Variants in OR8J1 observed in about 807,000 individuals in gnomAD.
The protein encoded by OR8J1 is olfactory receptor family 8 subfamily J member 1, also known as olfactory receptor 8J1.
For missense variants in OR8J1, 400 were observed against 373.0 expected, an observed-to-expected ratio of 1.07 and a Z score of -0.60; for synonymous variants, 157 against 144.3, an observed-to-expected ratio of 1.09 and a Z score of -0.63.
In OR8J1 at chr11:56,360,337, T is replaced by C. The variant is rs142306564; in HGVS notation, c.91T>C (p.Phe31Leu). 1.1e-5 allele frequency: 17 copies of C among 1,613,984 alleles called. No homozygotes were observed. In the African/African-American group the frequency reaches 1.3e-4, roughly 13 times the overall value. The part of the protein sequence containing the change: ...PELQIPLFLV[F>L]LVLYGLTMAG... ...GCTCCAGATTCCCCTCTTCCTGGTC[T>C]TTCTGGTGCTCTATGGGCTGACCAT... Residue 31 changes from phenylalanine to leucine, a missense_variant, in exon 2 of 2, where the codon TTT becomes CTT. Coordinates refer to ENST00000533152, the MANE Select transcript of OR8J1 (RefSeq NM_001005205.3).
At chr11:56,357,356 A>AC in intron 1 of OR8J1, 1 of 692,956 alleles carries the variant, frequency 1.4e-6, no homozygotes, top group Non-Finnish European at 2.6e-6. Flanking sequence ...AGTAAGGCCT[A>AC]CTTTAAGAGA....
At chr11:56,357,935 T>G in intron 1 of OR8J1, 2 of 839,632 alleles carry the variant, frequency 2.4e-6, no homozygotes. Flanking sequence ...GCCAGAATGT[T>G]GCAGCTTAGT....
chr11:56,359,115 A>C (rs1262391410), intron 1 of OR8J1, among the ~76,000 whole-genome samples: 2 of 152,102 alleles, frequency 1.3e-5, no homozygotes, highest in Non-Finnish European at 2.9e-5. Context: ...ACATTTTTAA[A>C]TAAGTGACTA....
chr11:56,354,943 A>T (rs192297655), intron 1 of OR8J1, among the ~76,000 whole-genome samples: 4 of 152,318 alleles, frequency 2.6e-5, no homozygotes, highest in African/African-American at 9.6e-5. Flanking sequence ...TCCATTAGAC[A>T]TCAAAACAAA....
In OR8J1 at chr11:56,360,963, T is replaced by C; in HGVS notation, c.717T>C (p.Ser239=). The change falls in exon 2 of 2, where the codon TCT becomes TCC. Residue 239 remains serine, a synonymous_variant. Transcript: ENST00000533152. ...CAGAAGGAAGGAAAAAAGCCTTTTC[T>C]ACCTGTGCTTCACATATGATGGCAG... The part of the protein sequence containing the change: ...CSSEGRKKAF[S]TCASHMMAVT... 1 of 1,480,946 alleles carries C rather than the reference T, an allele frequency of 6.8e-7. No homozygotes were observed. Among genetic ancestry groups the C allele is most frequent in the Non-Finnish European group, 8.9e-7 (1 of 1,120,034 alleles). 91.7% of individuals were successfully genotyped at this position (1,480,946 alleles called of 1,614,324 possible).
intron 1 of OR8J1, chr11:56,357,777 A>G (rs1854990040): frequency 1.4e-6 from 2 of 1,412,628 alleles, no homozygotes. Flanking sequence ...AGGCCTTGCC[A>G]GAACTACCAC....
Position 56,360,456 on chromosome 11 carries a change from T to G in OR8J1, c.210T>G (p.Asn70Lys), listed in dbSNP as rs142273526. Residue 70 changes from asparagine to lysine, a missense_variant, in exon 2 of 2, where the codon AAT becomes AAG. Transcript: ENST00000533152. ...YFFLQHLALI[N>K]LGNSTVIAPK... The stretch of plus-strand genomic sequence containing the variant: ...TCCTGCAACATCTGGCTCTCATTAA[T>G]CTTGGTAACTCTACTGTCATTGCCC... 2 of 1,614,022 alleles carry G rather than the reference T, an allele frequency of 1.2e-6. No individual in the cohort carries two copies. The highest frequency in any genetic ancestry group is 2.7e-5 in the African/African-American group (2 of 74,920).
In OR8J1 at chr11:56,361,033, C is replaced by G; in HGVS notation, c.787C>G (p.Arg263Gly). The G allele has an allele frequency of 6.7e-7, 1 of 1,493,302 alleles. No individual in the cohort carries two copies. Among genetic ancestry groups the G allele is most frequent in the Non-Finnish European group, 8.9e-7 (1 of 1,129,538 alleles). 92.5% of individuals were successfully genotyped at this position (1,493,302 alleles called of 1,614,324 possible). Reference protein sequence around the residue: ...GTLLFMYVQPRSNHSLDTDDK... With the variant: ...GTLLFMYVQPGSNHSLDTDDK... ...ATTGCTATTCATGTATGTGCAGCCC[C>G]GAAGTAACCATTCACTGGATACTGA... The change falls in exon 2 of 2, where the codon CGA (arginine) becomes GGA (glycine). Residue 263 changes from arginine (R) to glycine (G), a missense_variant. Arg to Gly is a moderately radical substitution (Grantham distance 125). Transcript: ENST00000533152.
Position 56,360,806 on chromosome 11 carries a change from T to C in OR8J1, c.560T>C (p.Leu187Ser), listed in dbSNP as rs369891199. The C allele has an allele frequency of 3.2e-6, 5 of 1,557,630 alleles. No homozygotes were observed. In the South Asian group the frequency reaches 5.0e-5, roughly 16 times the overall value. The part of the protein sequence containing the change: ...FYCDNVPLLA[L>S]SCSDTYLPET... Reference sequence around the variant, plus strand: ...TGTGATAATGTTCCTCTGTTAGCATTATCTTGCTCTGATACTTACTTACCA... The same window carrying C: ...TGTGATAATGTTCCTCTGTTAGCATCATCTTGCTCTGATACTTACTTACCA... Residue 187 changes from leucine to serine, a missense_variant, in exon 2 of 2, where the codon TTA becomes TCA. By Grantham distance (145) the Leu-to-Ser change is moderately radical (BLOSUM62 -2). Coordinates refer to ENST00000533152, the MANE Select transcript of OR8J1 (RefSeq NM_001005205.3).
chr11:56,358,916 G>C (rs889334363), intron 1 of OR8J1, among the ~76,000 whole-genome samples: 6 of 152,136 alleles, frequency 3.9e-5, no homozygotes, highest in Non-Finnish European at 8.8e-5. Flanking sequence ...ATCAAACTGA[G>C]ATCGGATATT....
At chr11:56,359,341 A>G (rs1188026574) in intron 1 of OR8J1, among the ~76,000 whole-genome samples, 4 of 152,064 alleles carry the variant, frequency 2.6e-5, no homozygotes, top group Non-Finnish European at 4.4e-5. Flanking sequence ...TACTCATTAC[A>G]GTGATAAAAA....
chr11:56,357,818 A>G, intron 1 of OR8J1: 1 of 1,079,782 alleles, frequency 9.3e-7, no homozygotes, highest in Admixed American at 1.7e-5. Flanking sequence ...CCCTGAAGGA[A>G]GCTGCGGTTG....
At chr11:56,356,227 G>T (rs1449228220) in intron 1 of OR8J1, among the ~76,000 whole-genome samples, 2 of 152,228 alleles carry the variant, frequency 1.3e-5, no homozygotes, top group East Asian at 3.8e-4. Flanking sequence ...CTCTAAGGAA[G>T]TAGAAGAGGG....
chr11:56,359,747 A>T (rs1477115654), intron 1 of OR8J1, among the ~76,000 whole-genome samples: 1 of 152,194 alleles, frequency 6.6e-6, no homozygotes, highest in African/African-American at 2.4e-5. Context: ...AATGTGCATA[A>T]TACACATTAT....
rs1422942759 is a variant in OR8J1, at chr11:56,361,386, A to C, written c.*189A>C. The C allele has an allele frequency of 5.1e-6, 2 of 394,594 alleles. No individual in the cohort carries two copies. Among genetic ancestry groups the C allele is most frequent in the African/African-American group, 4.2e-5 (2 of 48,032 alleles). 24.4% of individuals were successfully genotyped at this position (394,594 alleles called of 1,614,324 possible). A position where few individuals can be genotyped will look rare whatever the true frequency, so the allele number is the denominator to read the frequency against. On this transcript the variant is annotated 3_prime_UTR_variant, in exon 2 of 2. Coordinates refer to ENST00000533152, the MANE Select transcript of OR8J1 (RefSeq NM_001005205.3). ...CTGAAACCCTTTGAGTTGTGAGGTT[A>C]AGTTAGAAAAAAAAAATGTTATTTA... is the stretch of plus-strand genomic sequence containing the variant.
In OR8J1 at chr11:56,357,323, C is replaced by A. The variant is rs185705155; in HGVS notation, c.-20-2904C>A. On this transcript the variant is annotated intron_variant, in intron 1 of 1. Coordinates refer to ENST00000533152, the MANE Select transcript of OR8J1 (RefSeq NM_001005205.3). ...GGATGCGGGCCTCTCTTCAGCAGGA[C>A]GGAGTTTGTTAAAGTTGTTAAGAGT... 9 of 589,348 alleles carry A rather than the reference C, an allele frequency of 1.5e-5. No homozygotes were observed. The South Asian group carries it at 1.7e-4, about 11-fold the overall frequency. The allele number at this position is 589,348 out of a possible 1,614,324, so 36.5% of individuals were successfully genotyped here.
rs1394780739 is a variant in OR8J1, at chr11:56,360,652, G to A, written c.406G>A (p.Val136Met). 2.5e-6 allele frequency: 4 copies of A among 1,611,414 alleles called. No homozygotes were observed. The highest frequency in any genetic ancestry group is 3.4e-6 in the Non-Finnish European group (4 of 1,178,986). The part of the protein sequence containing the change: ...ICNPLLYMVV[V>M]SRRLCLLLVS... ...TAACCCTCTGCTGTACATGGTGGTG[G>A]TGTCTCGGCGGCTCTGCCTCCTGCT... The change falls in exon 2 of 2, where the codon GTG (valine) becomes ATG (methionine). Residue 136 changes from valine to methionine, a missense_variant. Transcript: ENST00000533152.
chr11:56,361,114 A>G lies in OR8J1; in HGVS notation c.868A>G (p.Ile290Val), dbSNP rs763186669. The stretch of plus-strand genomic sequence containing the variant: ...GGTAATTCCTATGCTGAATCCCTTG[A>G]TCTACAGCCTGAGGAATAAGGATGT... ...TLVIPMLNPL[I>V]YSLRNKDVKT... Residue 290 changes from isoleucine (I) to valine (V), a missense_variant, in exon 2 of 2, where the codon ATC becomes GTC. By Grantham distance (29) the Ile-to-Val change is conservative (BLOSUM62 3). Transcript: ENST00000533152. 4.0e-6 allele frequency: 6 copies of G among 1,498,294 alleles called. No individual in the cohort carries two copies. The highest frequency in any genetic ancestry group is 1.8e-4 in the Middle Eastern group (1 of 5,616). The allele number at this position is 1,498,294 out of a possible 1,614,324, so 92.8% of individuals were successfully genotyped here. A position where few individuals can be genotyped will look rare whatever the true frequency, so the allele number is the denominator to read the frequency against.
At chr11:56,356,078 A>G (rs1025940408) in intron 1 of OR8J1, among the ~76,000 whole-genome samples, 2 of 152,210 alleles carry the variant, frequency 1.3e-5, no homozygotes, top group Non-Finnish European at 2.9e-5. Context: ...CAATTATTCT[A>G]ATGAATACCT....
Sources: gnomAD v4.1 joint callset for allele counts (sites outside exome capture counted in the v4.1 genomes callset) on GRCh38, gnomAD v4.1.1 for gene constraint, MANE v1.5 for transcripts, NCBI Gene and HGNC (gene_info 2026-07-23, HGNC 2026-07-21) for gene names.